KIF21A: variants seen among roughly 807,000 people sequenced by gnomAD.
KIF21A encodes kinesin family member 21A.
A neutral mutation model predicts 202.9 loss-of-function variants in KIF21A; 114 were observed. The ratio of observed to expected loss-of-function variants is 0.56; its 90% CI spans 0.48 to 0.66. The LOEUF (loss-of-function observed/expected upper bound fraction) is 0.66. Ranked by LOEUF, KIF21A falls within the 30% of genes least tolerant of loss-of-function variation. The probability of loss-of-function intolerance (pLI) is 0.00; values close to 1 mark genes in which losing one functional copy is unlikely to be tolerated. For synonymous variants in KIF21A, 667 were observed against 670.8 expected (o/e 0.99, Z 0.09); for missense variants, 1,677 against 1,994.9 (o/e 0.84, Z 3.04).
intron 1 of KIF21A, among the ~76,000 whole-genome samples, chr12:39,374,390 T>C (rs1465043265): frequency 6.6e-6 from 1 of 152,146 alleles, no homozygotes; most frequent in African/African-American, 2.4e-5. Context: ...CACTAAGAAA[T>C]CATCAGTCTT....
intron 1 of KIF21A, among the ~76,000 whole-genome samples, chr12:39,388,997 C>T (rs1312331229): frequency 1.3e-5 from 2 of 152,018 alleles, no homozygotes; most frequent in Non-Finnish European, 2.9e-5. Context: ...TAATGTAACA[C>T]TTCTTAATAT....
chr12:39,366,138 T>C (rs1302505284), intron 6 of KIF21A, among the ~76,000 whole-genome samples: 1 of 152,238 alleles, frequency 6.6e-6, no homozygotes, highest in Non-Finnish European at 1.5e-5. Flanking sequence ...ACTAAATTTA[T>C]ACACATGAAG....
intron 1 of KIF21A, among the ~76,000 whole-genome samples, chr12:39,441,415 A>G (rs1167956976): frequency 1.3e-5 from 2 of 151,942 alleles, no homozygotes; most frequent in African/African-American, 4.8e-5. Context: ...CCTTGATCAG[A>G]TCTCCTAACA....
chr12:39,438,900 T>G (rs1033270454), intron 1 of KIF21A, among the ~76,000 whole-genome samples: 5 of 152,170 alleles, frequency 3.3e-5, no homozygotes, highest in South Asian at 2.1e-4. Context: ...TCTTTTTGAG[T>G]TAACTGTTTG....
intron 1 of KIF21A, among the ~76,000 whole-genome samples, chr12:39,412,815 C>T (rs535012892): frequency 1.3e-5 from 2 of 152,240 alleles, no homozygotes; most frequent in South Asian, 2.1e-4. Flanking sequence ...TTTGAACTAC[C>T]TGAGTCCCAC....
At chr12:39,361,281 G>A (rs1283362099) in intron 7 of KIF21A, among the ~76,000 whole-genome samples, 1 of 151,960 alleles carries the variant, frequency 6.6e-6, no homozygotes, top group Non-Finnish European at 1.5e-5. Flanking sequence ...TAGAAAACCC[G>A]AAAAAATTTA....
intron 1 of KIF21A, among the ~76,000 whole-genome samples, chr12:39,420,531 G>T (rs1954167274): frequency 6.6e-6 from 1 of 152,112 alleles, no homozygotes; most frequent in Non-Finnish European, 1.5e-5. Flanking sequence ...TCCACTCCCT[G>T]TTTTGAAGAC....
intron 1 of KIF21A, among the ~76,000 whole-genome samples, chr12:39,378,774 G>A (rs930497109): frequency 6.6e-6 from 1 of 152,070 alleles, no homozygotes; most frequent in African/African-American, 2.4e-5. Flanking sequence ...GTAGGGGAAC[G>A]ATAAGTAAAT....
chr12:39,416,685 GTGTATATATATATGTACATATATA>G (rs1566266552), intron 1 of KIF21A, among the ~76,000 whole-genome samples: 1 of 120,710 alleles, frequency 8.3e-6, no homozygotes, highest in Non-Finnish European at 1.6e-5. Context: ...ATATATATGT[GTGTATATATATATGTACATATATA>G]TGTGTGTATA....
chr12:39,361,746 T>A lies in KIF21A; in HGVS notation c.1019+1352A>T, dbSNP rs1273759438. 2.6e-5 allele frequency among the ~76,000 whole-genome samples: 4 copies of A among 152,300 alleles called. No homozygotes were observed. The East Asian group carries it at 7.7e-4, about 29-fold the overall frequency. On this transcript the variant is annotated intron_variant, in intron 7 of 37. Coordinates refer to ENST00000361418, the MANE Select transcript of KIF21A (RefSeq NM_001173464.2). ...TGGTCTTGATCTCCTGACCTCATGA[T>A]CTGCCCGCCTTGGCCTCCCAAAGTG... is the stretch of plus-strand genomic sequence containing the variant.
At chr12:39,327,343 G>A (rs1328315819) in intron 24 of KIF21A, among the ~76,000 whole-genome samples, 2 of 152,002 alleles carry the variant, frequency 1.3e-5, no homozygotes, top group African/African-American at 4.8e-5. Context: ...TCACTCAAAG[G>A]GGTTTACTTT....
At chr12:39,363,557 C>G (rs919615127) in intron 6 of KIF21A, among the ~76,000 whole-genome samples, 4 of 152,156 alleles carry the variant, frequency 2.6e-5, no homozygotes, top group African/African-American at 9.7e-5. Flanking sequence ...TTCTCCTCAA[C>G]TCAATGTAAA....
At chr12:39,296,025 TAAAAAAA>T (rs34017775) in intron 37 of KIF21A, among the ~76,000 whole-genome samples, 2 of 86,774 alleles carry the variant, frequency 2.3e-5, no homozygotes, top group East Asian at 3.5e-4. Flanking sequence ...GTTTGTTTGT[TAAAAAAA>T]AAAAAAAAAA....
At chr12:39,397,027 C>A (rs1161520685) in intron 1 of KIF21A, among the ~76,000 whole-genome samples, 1 of 152,082 alleles carries the variant, frequency 6.6e-6, no homozygotes, top group Non-Finnish European at 1.5e-5. Flanking sequence ...ACATAGAAAA[C>A]AGGATCTGTA....
intron 24 of KIF21A, among the ~76,000 whole-genome samples, chr12:39,328,321 A>T (rs1946159259): frequency 3.3e-5 from 5 of 152,228 alleles, no homozygotes; most frequent in Admixed American, 3.3e-4. Flanking sequence ...TTTCCTGGAC[A>T]TAAACATTGC....
At chr12:39,296,752 C>A (rs1565606658) in intron 37 of KIF21A, among the ~76,000 whole-genome samples, 1 of 151,996 alleles carries the variant, frequency 6.6e-6, no homozygotes, top group East Asian at 1.9e-4. Context: ...ATTGGGGTTG[C>A]AAGAAAAGGA....
chr12:39,401,107 C>A (rs1218425578), intron 1 of KIF21A, among the ~76,000 whole-genome samples: 1 of 152,130 alleles, frequency 6.6e-6, no homozygotes, highest in African/African-American at 2.4e-5. Context: ...CTCACAGAGT[C>A]TGCATTTCAG....
chr12:39,352,404 C>A (rs1211347491), intron 10 of KIF21A, among the ~76,000 whole-genome samples: 1 of 152,020 alleles, frequency 6.6e-6, no homozygotes, highest in Non-Finnish European at 1.5e-5. Context: ...AAAGAATGCT[C>A]ACACACATTA....
intron 7 of KIF21A, among the ~76,000 whole-genome samples, chr12:39,359,814 A>G (rs1949068871): frequency 6.6e-6 from 1 of 152,212 alleles, no homozygotes. Flanking sequence ...TTATTTACAA[A>G]AAATGTTTAA....
Sources: allele counts gnomAD v4.1 joint callset (sites outside exome capture counted in the v4.1 genomes callset), GRCh38; gene constraint gnomAD v4.1.1; transcripts MANE v1.5; gene names NCBI Gene and HGNC (gene_info 2026-07-23, HGNC 2026-07-21).